Variants in ARHGEF3 observed in about 807,000 individuals in gnomAD.
ARHGEF3 encodes Rho guanine nucleotide exchange factor 3.
ARHGEF3 carries 28 observed loss-of-function variants against 63.2 expected under a neutral mutation model. That is an observed-to-expected ratio of 0.44 (90% CI 0.33 to 0.61). The LOEUF (loss-of-function observed/expected upper bound fraction) is 0.61, where lower values mean the gene tolerates loss of function less well. ARHGEF3 is among the 20% of genes least tolerant of loss of function. The pLI is 0.03. For missense variants in ARHGEF3, 533 were observed against 659.3 expected, an observed-to-expected ratio of 0.81 and a Z score of 2.10; for synonymous variants, 266 against 254.2, an observed-to-expected ratio of 1.05 and a Z score of -0.44.
intron 2 of ARHGEF3, among the ~76,000 whole-genome samples, chr3:57,009,844 A>G (rs1056683538): frequency 6.6e-6 from 1 of 151,638 alleles, no homozygotes; most frequent in African/African-American, 2.4e-5. Context: ...ATTAATAATA[A>G]TAATAGTGAG....
chr3:57,058,586 G>A (rs1383681051), intron 1 of ARHGEF3, among the ~76,000 whole-genome samples: 9 of 152,202 alleles, frequency 5.9e-5, no homozygotes, highest in Middle Eastern at 3.4e-3. Flanking sequence ...TCGGTGTAGC[G>A]ATTCCTCAGG....
intron 1 of ARHGEF3, among the ~76,000 whole-genome samples, chr3:56,783,871 A>T (rs1316789402): frequency 6.6e-6 from 1 of 152,210 alleles, no homozygotes; most frequent in Non-Finnish European, 1.5e-5. Context: ...AAATTGGCCC[A>T]AGATTAAACA....
At chr3:56,810,926 C>A (rs779683919) in intron 4 of ARHGEF3, among the ~76,000 whole-genome samples, 13 of 152,162 alleles carry the variant, frequency 8.5e-5, no homozygotes, top group African/African-American at 1.9e-4. Context: ...CAATAATGAT[C>A]CCCCAGCCAC....
At chr3:57,038,011 T>A (rs1704034284) in intron 1 of ARHGEF3, among the ~76,000 whole-genome samples, 1 of 152,224 alleles carries the variant, frequency 6.6e-6, no homozygotes, top group Non-Finnish European at 1.5e-5. Flanking sequence ...TTGACATGGA[T>A]TGTTGCATCA....
intron 2 of ARHGEF3, among the ~76,000 whole-genome samples, chr3:56,767,987 A>G (rs1297669687): frequency 6.6e-6 from 1 of 151,814 alleles, no homozygotes; most frequent in Admixed American, 6.6e-5. Flanking sequence ...ACCTCAAGCG[A>G]TCCACCTGCC....
chr3:56,837,664 T>A (rs1177931574), intron 4 of ARHGEF3, among the ~76,000 whole-genome samples: 6 of 152,224 alleles, frequency 3.9e-5, no homozygotes, highest in Admixed American at 6.5e-5. Context: ...AGGCCATGCC[T>A]TCAGCAGATG....
intron 2 of ARHGEF3, among the ~76,000 whole-genome samples, chr3:57,030,698 G>A (rs1447094975): frequency 2.0e-5 from 3 of 152,172 alleles, no homozygotes; most frequent in African/African-American, 7.2e-5. Flanking sequence ...CACAGCTGAG[G>A]AAACTGAGGC....
rs554515252 is a variant in ARHGEF3 at position 57,021,549 on chromosome 3, T to C, written c.62+13539A>G. The stretch of plus-strand genomic sequence containing the variant: ...GAGGCAGGCAGATCATGAGGTCAGA[T>C]TGAGACCATCTTGGCCAACATGGTG... On this transcript the variant is annotated intron_variant, in intron 2 of 12. Coordinates refer to the ARHGEF3 transcript ENST00000338458. Among the ~76,000 whole-genome samples the C allele has an allele frequency of 7.2e-5, 11 of 152,080 alleles. No homozygotes were observed. The South Asian group carries it at 1.0e-3, about 14-fold the overall frequency.
chr3:57,022,116 T>A (rs1360701402), intron 2 of ARHGEF3, among the ~76,000 whole-genome samples: 1 of 151,868 alleles, frequency 6.6e-6, no homozygotes, highest in Non-Finnish European at 1.5e-5. Flanking sequence ...ACAAAAAAAT[T>A]TTAAAAATTT....
chr3:56,957,713 G>A (rs1434715298), intron 3 of ARHGEF3, among the ~76,000 whole-genome samples: 1 of 152,194 alleles, frequency 6.6e-6, no homozygotes, highest in Non-Finnish European at 1.5e-5. Context: ...TGTCAAGGCT[G>A]AGACCCAGTG....
intron 4 of ARHGEF3, among the ~76,000 whole-genome samples, chr3:56,752,308 T>C (rs922138239): frequency 3.9e-5 from 6 of 152,204 alleles, no homozygotes; most frequent in African/African-American, 1.4e-4. Context: ...TCCTTCTGCC[T>C]CAGCTTCCCA....
intron 2 of ARHGEF3, among the ~76,000 whole-genome samples, chr3:56,976,045 TTTG>T (rs927786246): frequency 1.3e-5 from 2 of 152,154 alleles, no homozygotes; most frequent in Non-Finnish European, 1.5e-5. Context: ...GAAGGTGTTT[TTTG>T]TTGTTGTTGT....
At chr3:56,732,495 GGA>G (rs2033242790) in intron 8 of ARHGEF3, 71 bp from the exon 9 acceptor site, 1 of 1,514,740 alleles carries the variant, frequency 6.6e-7, no homozygotes, top group Non-Finnish European at 9.1e-7. Context: ...GGACCTCTGT[GGA>G]TAAAGAGGTC....
intron 6 of ARHGEF3, among the ~76,000 whole-genome samples, chr3:56,745,873 G>A (rs568950584): frequency 1.3e-5 from 2 of 152,232 alleles, no homozygotes; most frequent in East Asian, 3.9e-4. Context: ...GGGTTTCAAC[G>A]TGTTAGCCAG....
At chr3:56,860,693 C>T (rs530760525) in intron 4 of ARHGEF3, among the ~76,000 whole-genome samples, 1 of 152,170 alleles carries the variant, frequency 6.6e-6, no homozygotes, top group African/African-American at 2.4e-5. Context: ...AGTGAAAATA[C>T]AGATGTAATT....
At chr3:57,067,681 A>T (rs559161772) in intron 1 of ARHGEF3, among the ~76,000 whole-genome samples, 3 of 150,858 alleles carry the variant, frequency 2.0e-5, no homozygotes, top group South Asian at 2.1e-4. Context: ...CAAAAAATTT[A>T]AAAAATTAGC....
At chr3:56,908,219 T>A (rs2108328434) in intron 3 of ARHGEF3, among the ~76,000 whole-genome samples, 1 of 152,312 alleles carries the variant, frequency 6.6e-6, no homozygotes, top group East Asian at 1.9e-4. Flanking sequence ...GGGGACTGAT[T>A]TCCTGATGGC....
chr3:57,002,923 G>T (rs531374033), intron 2 of ARHGEF3, among the ~76,000 whole-genome samples: 19 of 151,210 alleles, frequency 1.3e-4, no homozygotes, highest in Non-Finnish European at 2.4e-4. Context: ...ACAGGCGCAC[G>T]CCACCACGCC....
intron 2 of ARHGEF3, among the ~76,000 whole-genome samples, chr3:56,980,446 ACT>A (rs1701283127): frequency 1.3e-5 from 2 of 152,250 alleles, no homozygotes; most frequent in South Asian, 4.1e-4. Context: ...GATACGTGTC[ACT>A]CTCACACCAT....
Sources: allele counts gnomAD v4.1 joint callset (sites outside exome capture counted in the v4.1 genomes callset), GRCh38; gene constraint gnomAD v4.1.1; transcripts MANE v1.5; gene names NCBI Gene and HGNC (gene_info 2026-07-23, HGNC 2026-07-21).